MME: variants seen among roughly 807,000 people sequenced by gnomAD.
The protein encoded by MME is membrane metalloendopeptidase.
A neutral mutation model predicts 113.2 loss-of-function variants in MME; 98 were observed. The ratio of observed to expected loss-of-function variants is 0.87; its 90% CI spans 0.74 to 1.02. The LOEUF (loss-of-function observed/expected upper bound fraction) is 1.02. Among genes scored for constraint, MME ranks in the 50% least tolerant of loss-of-function variants. MME has a pLI of 0.00. For missense variants in MME, 836 were observed against 896.0 expected (o/e 0.93, Z 0.86); for synonymous variants, 292 against 300.6 (o/e 0.97, Z 0.30).
chr3:155,035,915 T>C (rs767596810), intron 1 of MME, among the ~76,000 whole-genome samples: 5 of 151,978 alleles, frequency 3.3e-5, no homozygotes, highest in Non-Finnish European at 7.4e-5. Flanking sequence ...AACTGTGGCA[T>C]AAAAGGGAAA....
intron 3 of MME, among the ~76,000 whole-genome samples, chr3:155,092,928 T>C (rs1171740684): frequency 1.3e-5 from 2 of 152,128 alleles, no homozygotes; most frequent in Admixed American, 1.3e-4. Flanking sequence ...TGTGACAAAT[T>C]CTCAGCTTTT....
chr3:155,141,594 G>C (rs1721091512), intron 10 of MME, among the ~76,000 whole-genome samples: 1 of 152,056 alleles, frequency 6.6e-6, no homozygotes, highest in Non-Finnish European at 1.5e-5. Context: ...TACTGTGTTT[G>C]AATGAATTGT....
intron 16 of MME, among the ~76,000 whole-genome samples, chr3:155,153,059 C>A (rs181475028): frequency 2.0e-5 from 3 of 149,040 alleles, no homozygotes; most frequent in Non-Finnish European, 3.0e-5. Context: ...TTTTTTAAGA[C>A]GGAGTCTCAC....
intron 1 of MME, among the ~76,000 whole-genome samples, chr3:155,053,663 G>A (rs1713833415): frequency 6.6e-6 from 1 of 152,130 alleles, no homozygotes. Context: ...GACTGAAAGG[G>A]GCAGAGAGAA....
At chr3:155,141,933 T>G (rs1041911068) in intron 10 of MME, 58 bp from the exon 11 acceptor site, 1 of 1,599,812 alleles carries the variant, frequency 6.3e-7, no homozygotes, top group Non-Finnish European at 8.6e-7. Context: ...TAACTGAATC[T>G]TGGACCCAAG....
At chr3:155,158,878 C>A (rs931731322) in intron 16 of MME, 1 of 151,986 alleles carries the variant, frequency 6.6e-6, no homozygotes, top group Non-Finnish European at 1.5e-5. Context: ...AGTCCCCCCC[C>A]ATCCTGTTTA....
intron 1 of MME, among the ~76,000 whole-genome samples, chr3:155,045,619 T>A (rs1427815744): frequency 6.6e-6 from 1 of 151,830 alleles, no homozygotes; most frequent in Non-Finnish European, 1.5e-5. Flanking sequence ...TTATTCTTGA[T>A]CTTGATGGTT....
chr3:155,139,156 T>C (rs1720865192), intron 9 of MME, among the ~76,000 whole-genome samples: 1 of 152,170 alleles, frequency 6.6e-6, no homozygotes, highest in Non-Finnish European at 1.5e-5. Flanking sequence ...CATGTGGTTC[T>C]GTGTTGGAAA....
At chr3:155,138,029 G>A in intron 8 of MME, 73 bp from the exon 9 acceptor site, 2 of 1,528,400 alleles carry the variant, frequency 1.3e-6, no homozygotes, top group South Asian at 2.3e-5. Context: ...ATATTGAAAT[G>A]AAAATAAATT....
chr3:155,042,900 T>TATATATA (rs1713382308), intron 1 of MME, among the ~76,000 whole-genome samples: 2 of 62,954 alleles, frequency 3.2e-5, no homozygotes, highest in South Asian at 6.6e-4. Context: ...ATAGTAGGTT[T>TATATATA]TATATATATA....
intron 1 of MME, among the ~76,000 whole-genome samples, chr3:155,071,847 A>C (rs78771383): frequency 0.046 from 6,962 of 152,318 alleles, 178 homozygotes; most frequent in African/African-American, 0.06. Flanking sequence ...TCACTTATTT[A>C]TTTTTAAAAT....
chr3:155,085,369 G>A (rs1715595503), intron 3 of MME: 1 of 258,386 alleles, frequency 3.9e-6, no homozygotes, highest in African/African-American at 2.2e-5. Flanking sequence ...CCATGTAGTT[G>A]AAGAAAGAAA....
At chr3:155,040,133 T>C (rs1363961278) in intron 1 of MME, among the ~76,000 whole-genome samples, 2 of 152,136 alleles carry the variant, frequency 1.3e-5, no homozygotes, top group African/African-American at 4.8e-5. Flanking sequence ...AATCAGTCTG[T>C]ATAGAGGGTT....
chr3:155,166,588 T>A lies in MME; in HGVS notation c.1661-314T>A, dbSNP rs527722069. ...CTTACAGCACAAAACAATCTTGGAT[T>A]GTAAAGTGAATCGTGATGATAAATC... On this transcript the variant is annotated intron_variant, in intron 17 of 22. Transcript: ENST00000360490. Among the ~76,000 whole-genome samples, 178 of 152,314 alleles carry A rather than the reference T, an allele frequency of 1.2e-3. 1 individual carries two copies. Among genetic ancestry groups the A allele is most frequent in the African/African-American group, 4.2e-3 (176 of 41,562 alleles).
At chr3:155,161,063 C>A (rs1352846569) in intron 17 of MME, among the ~76,000 whole-genome samples, 1 of 152,066 alleles carries the variant, frequency 6.6e-6, no homozygotes, top group Non-Finnish European at 1.5e-5. Flanking sequence ...CATATATATA[C>A]ATTAACACAT....
upstream of MME, among the ~76,000 whole-genome samples, chr3:155,074,990 T>C (rs1245556665): frequency 6.6e-6 from 1 of 152,042 alleles, no homozygotes; most frequent in African/African-American, 2.4e-5. Context: ...TTAATATTGT[T>C]ATCCAGATCT....
chr3:155,104,841 A>T (rs985584605), intron 3 of MME, among the ~76,000 whole-genome samples: 24 of 152,140 alleles, frequency 1.6e-4, no homozygotes, highest in Non-Finnish European at 2.5e-4. Flanking sequence ...AGATCTGATA[A>T]CTCATTTTAA....
chr3:155,156,576 G>A (rs929872997), intron 16 of MME, among the ~76,000 whole-genome samples: 1 of 151,798 alleles, frequency 6.6e-6, no homozygotes, highest in South Asian at 2.1e-4. Context: ...TAACCATATT[G>A]TGCCTCAGTT....
chr3:155,042,913 T>TATATATATATATAC (rs1713388453), intron 1 of MME, among the ~76,000 whole-genome samples: 2 of 43,662 alleles, frequency 4.6e-5, no homozygotes, highest in East Asian at 7.4e-4. Flanking sequence ...TATATATATA[T>TATATATATATATAC]ATATATATAT....
Sources: allele counts gnomAD v4.1 joint callset (sites outside exome capture counted in the v4.1 genomes callset), GRCh38; gene constraint gnomAD v4.1.1; transcripts MANE v1.5; gene names NCBI Gene and HGNC (gene_info 2026-07-23, HGNC 2026-07-21).